Variants in CSMD3 observed in about 807,000 individuals in gnomAD.
CSMD3 encodes the protein CUB and sushi domain-containing protein 3.
In CSMD3, 177 loss-of-function variants were observed where a neutral mutation model predicts 435.2. The ratio of observed to expected loss-of-function variants is 0.41; its 90% CI spans 0.36 to 0.46. The LOEUF is 0.46. Ranked by LOEUF, CSMD3 falls within the 20% of genes least tolerant of loss-of-function variation. The pLI, the probability that CSMD3 is intolerant of heterozygous loss-of-function variation, is 0.34. For synonymous variants in CSMD3, 1,656 were observed against 1,520.5 expected (o/e 1.09, Z -2.07); for missense variants, 4,265 against 4,504.6 (o/e 0.95, Z 1.52).
chr8:112,401,610 C>A (rs1040841314), intron 35 of CSMD3, among the ~76,000 whole-genome samples: 19 of 152,020 alleles, frequency 1.2e-4, no homozygotes, highest in Non-Finnish European at 2.6e-4. Flanking sequence ...TGAAAACAAA[C>A]CAAAATGTCT....
At chr8:112,745,211 A>G (rs934241846) in intron 13 of CSMD3, among the ~76,000 whole-genome samples, 16 of 152,058 alleles carry the variant, frequency 1.1e-4, no homozygotes, top group African/African-American at 3.9e-4. Flanking sequence ...TCAAGAGTCC[A>G]GGTAGTTATA....
chr8:112,364,001 T>G (rs1226185781), intron 38 of CSMD3, among the ~76,000 whole-genome samples: 1 of 151,972 alleles, frequency 6.6e-6, no homozygotes, highest in African/African-American at 2.4e-5. Context: ...TCCCTGTTTT[T>G]CCCAAATAAT....
intron 42 of CSMD3, among the ~76,000 whole-genome samples, chr8:112,341,167 A>G (rs1423429171): frequency 6.6e-6 from 1 of 152,088 alleles, no homozygotes; most frequent in Non-Finnish European, 1.5e-5. Context: ...GCAAAGATAC[A>G]TCTTTGCTGT....
In CSMD3 at chr8:112,478,003, A is replaced by T. The variant is rs1358837944; in HGVS notation, c.5279-5296T>A. Among the ~76,000 whole-genome samples the T allele has an allele frequency of 3.9e-5, 6 of 151,968 alleles. No homozygotes were observed. The East Asian group carries it at 1.2e-3, about 29-fold the overall frequency. On this transcript the variant is annotated intron_variant, in intron 31 of 70. Coordinates refer to ENST00000297405, the MANE Select transcript of CSMD3 (RefSeq NM_198123.2). Reference sequence around the variant, plus strand: ...TGTGATAGGGAATAAGTCTCACAGGATCTGATGATTTTAAAAAGAGGCGTT... The same window carrying T: ...TGTGATAGGGAATAAGTCTCACAGGTTCTGATGATTTTAAAAAGAGGCGTT...
chr8:112,524,432 T>A (rs560944609), intron 27 of CSMD3, among the ~76,000 whole-genome samples: 1 of 152,000 alleles, frequency 6.6e-6, no homozygotes, highest in Non-Finnish European at 1.5e-5. Flanking sequence ...TTTTACATTA[T>A]TAGAAGATTT....
At chr8:113,172,135 T>G (rs1432281985) in intron 4 of CSMD3, among the ~76,000 whole-genome samples, 1 of 152,160 alleles carries the variant, frequency 6.6e-6, no homozygotes, top group East Asian at 1.9e-4. Flanking sequence ...TATCCTTTAT[T>G]TCTGACTCAA....
intron 12 of CSMD3, among the ~76,000 whole-genome samples, chr8:112,809,617 C>A (rs1474458093): frequency 1.3e-5 from 2 of 152,066 alleles, no homozygotes; most frequent in Non-Finnish European, 2.9e-5. Flanking sequence ...TTTGTGTACT[C>A]CTGGTAATAA....
intron 42 of CSMD3, among the ~76,000 whole-genome samples, chr8:112,338,145 T>C (rs961802139): frequency 6.6e-6 from 1 of 152,212 alleles, no homozygotes; most frequent in Non-Finnish European, 1.5e-5. Flanking sequence ...TGAGCCTTTT[T>C]ACAGTTTGTT....
intron 3 of CSMD3, among the ~76,000 whole-genome samples, chr8:113,243,124 T>C (rs1049650469): frequency 1.5e-4 from 23 of 151,846 alleles, no homozygotes; most frequent in African/African-American, 5.1e-4. Flanking sequence ...TCTCTATTAA[T>C]ACAAGAAATA....
intron 4 of CSMD3, among the ~76,000 whole-genome samples, chr8:113,163,213 C>G (rs966446057): frequency 1.3e-5 from 2 of 151,932 alleles, no homozygotes; most frequent in Non-Finnish European, 2.9e-5. Context: ...AGAGATAAAA[C>G]AATAGAATGC....
chr8:112,769,386 T>C (rs1219516327), intron 13 of CSMD3, among the ~76,000 whole-genome samples: 1 of 151,994 alleles, frequency 6.6e-6, no homozygotes, highest in Non-Finnish European at 1.5e-5. Flanking sequence ...CCACCGTCCC[T>C]TCCAGACACT....
intron 30 of CSMD3, among the ~76,000 whole-genome samples, chr8:112,498,110 T>C (rs1821557050): frequency 1.3e-5 from 2 of 152,144 alleles, no homozygotes; most frequent in East Asian, 1.9e-4. Context: ...ATTCTCAATG[T>C]AATAATAACT....
chr8:112,505,518 T>C (rs1822408275), intron 29 of CSMD3, among the ~76,000 whole-genome samples: 1 of 152,150 alleles, frequency 6.6e-6, no homozygotes, highest in African/African-American at 2.4e-5. Flanking sequence ...GTATTTATTA[T>C]GCACGGAAGG....
chr8:112,458,536 T>C (rs1817096980), intron 32 of CSMD3, among the ~76,000 whole-genome samples: 3 of 152,230 alleles, frequency 2.0e-5, no homozygotes, highest in Middle Eastern at 3.4e-3. Flanking sequence ...GTCAATAAGC[T>C]TGTGACTATA....
In CSMD3 at chr8:112,281,280, A is replaced by G. The variant is rs776584715; in HGVS notation, c.9402T>C (p.Ser3134=). 26 of 1,613,446 alleles carry G rather than the reference A, an allele frequency of 1.6e-5. No individual in the cohort carries two copies. The highest frequency in any genetic ancestry group is 2.0e-5 in the Non-Finnish European group (24 of 1,179,608). The part of the protein sequence containing the change: ...KVFRIDGTTF[S]SSVIYSCMEG... ...CCATGCAGGAATAAATGACTGAACT[A>G]GAAAATGTTGTGCCATCAATTCGGA... Residue 3134 remains serine, a synonymous_variant, in exon 59 of 71, where the codon TCT becomes TCC. Coordinates refer to ENST00000297405, the MANE Select transcript of CSMD3 (RefSeq NM_198123.2).
chr8:112,509,732 A>C (rs1394854762), intron 28 of CSMD3, among the ~76,000 whole-genome samples: 1 of 152,052 alleles, frequency 6.6e-6, no homozygotes. Context: ...TGATCTCCTA[A>C]GTTCCTTACA....
At chr8:112,733,706 G>A (rs903170069) in intron 13 of CSMD3, among the ~76,000 whole-genome samples, 1 of 151,936 alleles carries the variant, frequency 6.6e-6, no homozygotes, top group African/African-American at 2.4e-5. Context: ...ATGCAATTAT[G>A]TTAGTTCTAG....
intron 39 of CSMD3, among the ~76,000 whole-genome samples, chr8:112,352,022 C>A (rs1826181475): frequency 6.6e-6 from 1 of 152,002 alleles, no homozygotes; most frequent in East Asian, 1.9e-4. Context: ...ATGGAAGTTT[C>A]ATTCAGTGTT....
At chr8:112,752,304 C>T (rs1169571663) in intron 13 of CSMD3, among the ~76,000 whole-genome samples, 1 of 152,080 alleles carries the variant, frequency 6.6e-6, no homozygotes, top group Non-Finnish European at 1.5e-5. Flanking sequence ...GCCCTTGGTC[C>T]TCTTTTTATT....
Sources: gnomAD v4.1 joint callset for allele counts (sites outside exome capture counted in the v4.1 genomes callset) on GRCh38, gnomAD v4.1.1 for gene constraint, MANE v1.5 for transcripts, NCBI Gene and HGNC (gene_info 2026-07-23, HGNC 2026-07-21) for gene names.